The following CDK12 variants were observed in gnomAD, a reference collection of about 807,000 sequenced individuals.
CDK12 encodes cyclin dependent kinase 12.
CDK12 carries 17 observed loss-of-function variants against 133.8 expected under a neutral mutation model. That is an observed-to-expected ratio of 0.13 (90% CI 0.09 to 0.19). The LOEUF (loss-of-function observed/expected upper bound fraction) is 0.19, where lower values mean the gene tolerates loss of function less well. Among genes scored for constraint, CDK12 ranks in the 10% least tolerant of loss-of-function variants. The pLI is 1.00. For synonymous variants in CDK12, 694 were observed against 683.6 expected, an observed-to-expected ratio of 1.02 and a Z score of -0.24; for missense variants, 1,508 against 1,818.7, an observed-to-expected ratio of 0.83 and a Z score of 3.11.
intron 2 of CDK12, among the ~76,000 whole-genome samples, chr17:39,474,994 C>T (rs887312924): frequency 6.6e-6 from 1 of 151,666 alleles, no homozygotes; most frequent in Non-Finnish European, 1.5e-5. Flanking sequence ...GCCACCATGC[C>T]TGGCTAATTT....
intron 1 of CDK12, among the ~76,000 whole-genome samples, chr17:39,465,984 G>A (rs545927792): frequency 1.3e-5 from 2 of 152,178 alleles, no homozygotes; most frequent in South Asian, 4.1e-4. Context: ...GGATTCTTAG[G>A]TAAAACAGCA....
In CDK12 at chr17:39,532,413, G is replaced by C. The variant is rs2054919541; in HGVS notation, c.*1097G>C. On this transcript the variant is annotated 3_prime_UTR_variant, in exon 14 of 14. Transcript: ENST00000447079. ...TAGAGATGATGCCTCCATTCCTAGA[G>C]GGCTAATAACAGCATTTAGCATATT... is the stretch of plus-strand genomic sequence containing the variant. The C allele has an allele frequency of 4.3e-6, 1 of 232,536 alleles. No individual in the cohort carries two copies. The highest frequency in any genetic ancestry group is 2.2e-5 in the African/African-American group (1 of 45,136). 14.4% of individuals were successfully genotyped at this position (232,536 alleles called of 1,614,324 possible).
rs2144871404 is a variant in CDK12 at position 39,462,431 on chromosome 17, G to A, written c.360G>A (p.Arg120=). The change falls in exon 1 of 14, where the codon CGG becomes CGA. Residue 120 remains arginine (R), a synonymous_variant. Transcript: ENST00000447079. ...GTCACCACCAGCACAGGCGTTCCCGGGACTTACTAAAAGCTAAACAGACCG... is the reference window on the plus strand; with the variant it reads ...GTCACCACCAGCACAGGCGTTCCCGAGACTTACTAAAAGCTAAACAGACCG... The part of the protein sequence containing the change: ...KHRHHQHRRS[R]DLLKAKQTEK... 5 of 1,614,060 alleles carry A rather than the reference G, an allele frequency of 3.1e-6. No individual in the cohort carries two copies. Among genetic ancestry groups the A allele is most frequent in the Non-Finnish European group, 4.2e-6 (5 of 1,180,032 alleles).
chr17:39,508,190 T>C (rs7225096), intron 6 of CDK12, among the ~76,000 whole-genome samples: 95,982 of 152,002 alleles, frequency 0.63, 32,991 homozygotes, highest in South Asian at 0.89. Context: ...TTTCAGATTT[T>C]GCTTCAGACG....
chr17:39,462,151 G>T lies in CDK12; in HGVS notation c.80G>T (p.Gly27Val). The change falls in exon 1 of 14, where the codon GGC becomes GTC. Residue 27 changes from glycine to valine, a missense_variant. By Grantham distance (109) the Gly-to-Val change is moderately radical (BLOSUM62 -3). Coordinates refer to ENST00000447079, the MANE Select transcript of CDK12 (RefSeq NM_016507.4). ...ASGTLQPSSGGGSSNSRERHR... is the reference protein window; with the variant it reads ...ASGTLQPSSGVGSSNSRERHR... Reference sequence around the variant, plus strand: ...GGAACTTTGCAGCCGTCATCGGGAGGCGGCAGCTCTAACAGCAGAGAGCGT... The same window carrying T: ...GGAACTTTGCAGCCGTCATCGGGAGTCGGCAGCTCTAACAGCAGAGAGCGT... 1 of 1,614,200 alleles carries T rather than the reference G, an allele frequency of 6.2e-7. No homozygotes were observed. The highest frequency in any genetic ancestry group is 8.5e-7 in the Non-Finnish European group (1 of 1,180,016).
intron 10 of CDK12, 86 bp from the exon 11 acceptor site, chr17:39,519,870 A>G (rs2146571087): frequency 2.0e-6 from 3 of 1,504,948 alleles, no homozygotes; most frequent in Non-Finnish European, 2.7e-6. Flanking sequence ...CTGGAATTAC[A>G]GGTGTGAGAC....
At chr17:39,546,187 CT>C (rs935672311), upstream of CDK12, 36 of 148,088 alleles carry the variant, frequency 2.4e-4, no homozygotes, top group Non-Finnish European at 3.6e-4. Flanking sequence ...CCAATTTTTT[CT>C]TTTTTTTTTG....
At chr17:39,509,455 G>A (rs2053346169) in intron 6 of CDK12, among the ~76,000 whole-genome samples, 1 of 151,904 alleles carries the variant, frequency 6.6e-6, no homozygotes, top group African/African-American at 2.4e-5. Flanking sequence ...TTTTTTAAGT[G>A]TAAGGCATTA....
chr17:39,551,049 A>G (rs1486416892), exon 2 of CDK12: 1 of 152,020 alleles, frequency 6.6e-6, no homozygotes, highest in Non-Finnish European at 1.5e-5. Flanking sequence ...TGTGAAAAAC[A>G]AGACCCAGAG....
In CDK12 at chr17:39,462,988, G is replaced by T. The variant is rs1291218478; in HGVS notation, c.917G>T (p.Ser306Ile). 6.2e-7 allele frequency: 1 copy of T among 1,614,164 alleles called. No homozygotes were observed. The highest frequency in any genetic ancestry group is 8.5e-7 in the Non-Finnish European group (1 of 1,180,032). ...CGACAGAGATCTGTCAGTCCCTATA[G>T]CAGGAGACGGTCGTCCAGCTACGAA... is the stretch of plus-strand genomic sequence containing the variant. ...SRRQRSVSPY[S>I]RRRSSSYERS... Residue 306 changes from serine to isoleucine, a missense_variant, in exon 1 of 14, where the codon AGC becomes ATC. Transcript: ENST00000447079.
At chr17:39,546,332 C>CA (rs1423423717), upstream of CDK12, 1 of 151,424 alleles carries the variant, frequency 6.6e-6, no homozygotes, top group Non-Finnish European at 1.5e-5. Flanking sequence ...GGCGCCCCCC[C>CA]ACCACGCCTG....
At position 39,471,393 on chromosome 17, in the gene CDK12, T is replaced by C. The variant is rs1177519533; in HGVS notation, c.1561T>C (p.Ser521Pro). ...EIVTPKETET[S>P]EKETPPPLPT... is the part of the protein sequence containing the mutation. ...TGTTACTCCAAAGGAGACAGAAACATCAGAAAAGGAGACCCCTCCACCTCT... is the reference window on the plus strand; with the variant it reads ...TGTTACTCCAAAGGAGACAGAAACACCAGAAAAGGAGACCCCTCCACCTCT... The change falls in exon 2 of 14, where the codon TCA (serine) becomes CCA (proline). Residue 521 changes from serine to proline, a missense_variant. Transcript: ENST00000447079. 2.5e-6 allele frequency: 4 copies of C among 1,613,828 alleles called. No homozygotes were observed. Among genetic ancestry groups the C allele is most frequent in the Non-Finnish European group, 3.4e-6 (4 of 1,179,998 alleles).
At position 39,522,805 on chromosome 17, in the gene CDK12, C is replaced by G. The variant is rs149714831; in HGVS notation, c.3096-1869C>G. On this transcript the variant is annotated intron_variant, in intron 11 of 13. Transcript: ENST00000447079. Reference sequence around the variant, plus strand: ...CGGTCGCTCACACCTGTAATCCCAGCACTTTGGGAGGCCGAGGTGGATGGA... The same window carrying G: ...CGGTCGCTCACACCTGTAATCCCAGGACTTTGGGAGGCCGAGGTGGATGGA... Among the ~76,000 whole-genome samples, 1,086 of 152,178 alleles carry G rather than the reference C, an allele frequency of 7.1e-3. 13 individuals carry two copies. Among genetic ancestry groups the G allele is most frequent in the African/African-American group, 0.025 (1,043 of 41,542 alleles).
intron 3 of CDK12, among the ~76,000 whole-genome samples, chr17:39,562,902 C>CTTTT (rs59852699): frequency 1.6e-4 from 15 of 92,300 alleles, no homozygotes; most frequent in African/African-American, 4.2e-4. Flanking sequence ...TTTTTCTTTT[C>CTTTT]TTTTTTTTTT....
In CDK12 at chr17:39,481,998, G is replaced by A. The variant is rs148424299; in HGVS notation, c.1932-8559G>A. Among the ~76,000 whole-genome samples the A allele has an allele frequency of 4.4e-3, 547 of 122,932 alleles. 8 individuals are homozygous for A. Among genetic ancestry groups the A allele is most frequent in the African/African-American group, 0.014 (524 of 37,032 alleles). The allele number at this position is 122,932 out of a possible 152,430, so 80.6% of individuals were successfully genotyped here. On this transcript the variant is annotated intron_variant, in intron 2 of 13. Coordinates refer to ENST00000447079, the MANE Select transcript of CDK12 (RefSeq NM_016507.4). ...GCCTCCCAAAGTGCTGGGATTACAG[G>A]CATGAGCCTGGCTTGCCTTTTTTTT...
Position 39,462,373 on chromosome 17 carries a change from G to C in CDK12, c.302G>C (p.Gly101Ala), listed in dbSNP as rs2144865617. 6.2e-7 allele frequency: 1 copy of C among 1,614,174 alleles called. No homozygotes were observed. Among genetic ancestry groups the C allele is most frequent in the East Asian group, 2.2e-5 (1 of 44,874 alleles). The change falls in exon 1 of 14, where the codon GGA becomes GCA. Residue 101 changes from glycine (G) to alanine (A), a missense_variant. Transcript: ENST00000447079. ...CGAAGGGAGAACGACGAACGTCGTG[G>C]ATCAGATCGGAGCGACCGCCTGCAC... Reference protein sequence around the residue: ...LDRRENDERRGSDRSDRLHKH... With the variant: ...LDRRENDERRASDRSDRLHKH...
intron 8 of CDK12, 113 bp from the exon 9 acceptor site, chr17:39,515,618 G>C: frequency 1.6e-6 from 1 of 627,560 alleles, no homozygotes; most frequent in Non-Finnish European, 2.8e-6. Context: ...CTGAAATTTG[G>C]GGCTATTTAT....
chr17:39,546,536 CTA>C (rs2055717331), upstream of CDK12: 1 of 152,192 alleles, frequency 6.6e-6, no homozygotes, highest in Non-Finnish European at 1.5e-5. Context: ...AAGCTATTTT[CTA>C]TTTCTTTCTT....
upstream of CDK12, among the ~76,000 whole-genome samples, chr17:39,546,429 C>A (rs535590184): frequency 1.3e-5 from 2 of 151,262 alleles, no homozygotes; most frequent in African/African-American, 4.9e-5. Flanking sequence ...CGTAATCCGC[C>A]TGCCTCGGCC....
Sources: gnomAD v4.1 joint callset for allele counts (sites outside exome capture counted in the v4.1 genomes callset) on GRCh38, gnomAD v4.1.1 for gene constraint, MANE v1.5 for transcripts, NCBI Gene and HGNC (gene_info 2026-07-23, HGNC 2026-07-21) for gene names.